Variants in EYS observed in about 807,000 individuals in gnomAD.
EYS encodes the protein EGF-like photoreceptor maintenance factor.
EYS carries 250 observed loss-of-function variants against 282.1 expected under a neutral mutation model. The ratio of observed to expected loss-of-function variants is 0.89; its 90% CI spans 0.80 to 0.98. The LOEUF (loss-of-function observed/expected upper bound fraction) is 0.98, where lower values mean the gene tolerates loss of function less well. EYS is among the 50% of genes least tolerant of loss of function. The probability of loss-of-function intolerance (pLI) is 0.00; values close to 1 mark genes in which losing one functional copy is unlikely to be tolerated. For missense variants in EYS, 4,016 were observed against 3,709.0 expected (o/e 1.08, Z -2.15); for synonymous variants, 1,355 against 1,282.9 (o/e 1.06, Z -1.20).
chr6:64,422,617 CT>C (rs954458511), intron 28 of EYS, among the ~76,000 whole-genome samples: 8 of 152,148 alleles, frequency 5.3e-5, no homozygotes, highest in African/African-American at 1.7e-4. Context: ...TCCTGTTTTG[CT>C]TTTTTTATTA....
intron 12 of EYS, among the ~76,000 whole-genome samples, chr6:65,161,725 A>T (rs1764854620): frequency 6.6e-6 from 1 of 151,182 alleles, no homozygotes; most frequent in Admixed American, 6.6e-5. Context: ...ACAGAACTAT[A>T]TTCATTTACA....
At chr6:65,602,042 C>T (rs1765633306) in intron 2 of EYS, among the ~76,000 whole-genome samples, 1 of 151,792 alleles carries the variant, frequency 6.6e-6, no homozygotes, top group Admixed American at 6.6e-5. Context: ...TCTCATTGGT[C>T]TGGGTCTTTC....
intron 30 of EYS, among the ~76,000 whole-genome samples, chr6:64,270,153 A>T (rs953955608): frequency 2.0e-5 from 3 of 152,100 alleles, no homozygotes; most frequent in African/African-American, 7.2e-5. Context: ...TTTCAATTCA[A>T]CCATTTTTAA....
intron 12 of EYS, among the ~76,000 whole-genome samples, chr6:65,132,722 CAA>C (rs1437501244): frequency 6.6e-6 from 1 of 151,842 alleles, no homozygotes; most frequent in African/African-American, 2.4e-5. Flanking sequence ...GTTAATCAGA[CAA>C]GAGAAATAAA....
intron 35 of EYS, among the ~76,000 whole-genome samples, chr6:63,964,457 A>G (rs888287564): frequency 6.6e-6 from 1 of 152,228 alleles, no homozygotes; most frequent in African/African-American, 2.4e-5. Flanking sequence ...TTTAAAAGAA[A>G]CAAAAAACAA....
intron 29 of EYS, among the ~76,000 whole-genome samples, chr6:64,346,342 C>T (rs1401463191): frequency 1.3e-5 from 2 of 151,968 alleles, no homozygotes; most frequent in East Asian, 3.9e-4. Flanking sequence ...GAAAATGTGT[C>T]ACATACACAC....
chr6:64,785,573 T>C (rs541592417), intron 22 of EYS, among the ~76,000 whole-genome samples: 205 of 152,328 alleles, frequency 1.3e-3, no homozygotes, highest in Non-Finnish European at 2.3e-3. Context: ...ATACTCTGTC[T>C]TTATCCAAAG....
chr6:65,253,886 A>C (rs1767391836), intron 12 of EYS, among the ~76,000 whole-genome samples: 1 of 151,556 alleles, frequency 6.6e-6, no homozygotes, highest in African/African-American at 2.4e-5. Flanking sequence ...TTTTTCAGGC[A>C]TTTCCCCCAA....
At chr6:64,909,309 T>C (rs899154220) in intron 16 of EYS, among the ~76,000 whole-genome samples, 3 of 152,142 alleles carry the variant, frequency 2.0e-5, no homozygotes, top group Non-Finnish European at 2.9e-5. Flanking sequence ...CAAAAAAAGT[T>C]GGTTACAATA....
Position 63,721,352 on chromosome 6 carries a change from A to T in EYS, c.8679T>A (p.Asn2893Lys). Residue 2893 changes from asparagine to lysine, a missense_variant, in exon 43 of 43, where the codon AAT becomes AAA. Asn to Lys is a moderately conservative substitution (Grantham distance 94, BLOSUM62 0). Transcript: ENST00000503581. ...TCRNGGECTV[N>K]GTTFSCRCLP... Reference sequence around the variant, plus strand: ...AACATCTGCAAGAAAAAGTTGTGCCATTTACTGTACATTCACCTCCATTTC... The same window carrying T: ...AACATCTGCAAGAAAAAGTTGTGCCTTTTACTGTACATTCACCTCCATTTC... 2 of 1,551,896 alleles carry T rather than the reference A, an allele frequency of 1.3e-6. No individual in the cohort carries two copies. The highest frequency in any genetic ancestry group is 8.7e-7 in the Non-Finnish European group (1 of 1,146,976).
At position 64,617,490 on chromosome 6, in the gene EYS, G is replaced by T; in HGVS notation, c.3612C>A (p.Pro1204=). 6.4e-7 allele frequency: 1 copy of T among 1,550,734 alleles called. No individual in the cohort carries two copies. The highest frequency in any genetic ancestry group is 2.4e-5 in the East Asian group (1 of 40,898). ...TGCAGAGTTCATGAACACATGAGTT[G>T]GGAATGCACTCAAGCTCATTCTCAC... ...HHCENELECI[P]NSCVHELCME... Residue 1204 remains proline (P), a synonymous_variant, in exon 24 of 43, where the codon CCC becomes CCA. Coordinates refer to ENST00000503581, the MANE Select transcript of EYS (RefSeq NM_001142800.2).
chr6:65,614,295 A>G (rs1042198521), intron 2 of EYS, among the ~76,000 whole-genome samples: 1 of 152,008 alleles, frequency 6.6e-6, no homozygotes, highest in Non-Finnish European at 1.5e-5. Context: ...CTTCACCAAA[A>G]TACACAGGAC....
intron 5 of EYS, among the ~76,000 whole-genome samples, chr6:65,436,510 C>A (rs751076082): frequency 1.3e-5 from 2 of 152,094 alleles, no homozygotes; most frequent in Non-Finnish European, 2.9e-5. Context: ...TGCTTCCCAG[C>A]ATTTTTCATT....
chr6:65,587,349 AGGTATCG>A (rs772027166), intron 2 of EYS, among the ~76,000 whole-genome samples: 2 of 152,044 alleles, frequency 1.3e-5, no homozygotes, highest in Non-Finnish European at 2.9e-5. Context: ...CATAATCCCC[AGGTATCG>A]TGAGAGGGAC....
intron 5 of EYS, among the ~76,000 whole-genome samples, chr6:65,446,613 G>C (rs1768667091): frequency 6.6e-6 from 1 of 151,770 alleles, no homozygotes; most frequent in Non-Finnish European, 1.5e-5. Context: ...ATTAACTTGA[G>C]AGAAAGCTGA....
intron 33 of EYS, among the ~76,000 whole-genome samples, chr6:64,018,768 T>TG (rs1309898475): frequency 3.2e-4 from 36 of 113,732 alleles, no homozygotes; most frequent in African/African-American, 9.5e-4. Flanking sequence ...TGTTTTTTTT[T>TG]TTTTTTTTTT....
At chr6:65,152,039 C>A (rs1319428118) in intron 12 of EYS, among the ~76,000 whole-genome samples, 11 of 151,780 alleles carry the variant, frequency 7.2e-5, no homozygotes, top group African/African-American at 2.7e-4. Context: ...ATATAAGATA[C>A]TTGTATTACT....
chr6:64,535,854 T>C (rs1374090469), intron 26 of EYS, among the ~76,000 whole-genome samples: 1 of 152,182 alleles, frequency 6.6e-6, no homozygotes, highest in Non-Finnish European at 1.5e-5. Context: ...AACCATTTTT[T>C]TGTCATTTTA....
At chr6:64,326,112 G>A (rs1041592989) in intron 29 of EYS, among the ~76,000 whole-genome samples, 1 of 152,038 alleles carries the variant, frequency 6.6e-6, no homozygotes, top group Non-Finnish European at 1.5e-5. Flanking sequence ...TCATCATGAA[G>A]AAGGAATTAA....
Sources: allele counts gnomAD v4.1 joint callset (sites outside exome capture counted in the v4.1 genomes callset), GRCh38; gene constraint gnomAD v4.1.1; transcripts MANE v1.5; gene names NCBI Gene and HGNC (gene_info 2026-07-23, HGNC 2026-07-21).